The following NXPH1 variants were observed in gnomAD, a reference collection of about 807,000 sequenced individuals.
NXPH1 encodes neurexophilin-1.
NXPH1 carries 5 observed loss-of-function variants against 23.7 expected under a neutral mutation model. That is an observed-to-expected ratio of 0.21 (90% CI 0.11 to 0.44). The LOEUF is 0.44. Among genes scored for constraint, NXPH1 ranks in the 20% least tolerant of loss-of-function variants. NXPH1 has a pLI of 0.99. For synonymous variants in NXPH1, 144 were observed against 122.2 expected (o/e 1.18, Z -1.18); for missense variants, 324 against 321.6 (o/e 1.01, Z -0.06).
chr7:8,648,095 G>T (rs1281901838), intron 2 of NXPH1, among the ~76,000 whole-genome samples: 1 of 152,092 alleles, frequency 6.6e-6, no homozygotes, highest in Non-Finnish European at 1.5e-5. Context: ...GGCATGCAAT[G>T]TAAAATAAGC....
intron 2 of NXPH1, among the ~76,000 whole-genome samples, chr7:8,654,960 C>A (rs972483485): frequency 3.3e-5 from 5 of 152,096 alleles, no homozygotes; most frequent in African/African-American, 1.2e-4. Flanking sequence ...TATGGAAAAT[C>A]AAGGGAGAGG....
At chr7:8,457,740 C>T (rs184088409) in intron 2 of NXPH1, among the ~76,000 whole-genome samples, 72 of 152,158 alleles carry the variant, frequency 4.7e-4, no homozygotes, top group African/African-American at 1.6e-3. Flanking sequence ...TTATCCCTTG[C>T]TTCTCAGCCT....
intron 2 of NXPH1, among the ~76,000 whole-genome samples, chr7:8,597,732 A>C: frequency 8.6e-6 from 1 of 116,102 alleles, no homozygotes; most frequent in African/African-American, 3.0e-5. Flanking sequence ...CAGTGTGGGG[A>C]GCAGTAGCTA....
intron 2 of NXPH1, among the ~76,000 whole-genome samples, chr7:8,536,574 T>C (rs914091511): frequency 2.7e-5 from 4 of 150,682 alleles, no homozygotes; most frequent in African/African-American, 9.8e-5. Context: ...AGCTATAAAC[T>C]ACAGAAAGGA....
At chr7:8,731,364 C>G (rs1780150344) in intron 2 of NXPH1, among the ~76,000 whole-genome samples, 1 of 152,242 alleles carries the variant, frequency 6.6e-6, no homozygotes, top group Non-Finnish European at 1.5e-5. Flanking sequence ...CTCAATCCAG[C>G]TTTGTTCCCT....
At chr7:8,532,891 TG>T (rs1364361844) in intron 2 of NXPH1, among the ~76,000 whole-genome samples, 2 of 152,140 alleles carry the variant, frequency 1.3e-5, no homozygotes, top group Non-Finnish European at 2.9e-5. Context: ...TAGGTTAGTG[TG>T]GGGGTAAATG....
chr7:8,614,859 C>A (rs1819701578), intron 2 of NXPH1, among the ~76,000 whole-genome samples: 1 of 151,940 alleles, frequency 6.6e-6, no homozygotes, highest in African/African-American at 2.4e-5. Flanking sequence ...TCTTATTGAA[C>A]ATCCTGAAAT....
chr7:8,710,647 GTTTTTTTTTTTTT>G (rs1424880912), intron 2 of NXPH1, among the ~76,000 whole-genome samples: 1 of 51,718 alleles, frequency 1.9e-5, no homozygotes. Context: ...TACGTTTTTT[GTTTTTTTTTTTTT>G]TTTTTTTTTT....
chr7:8,466,194 C>G (rs1002402530), intron 2 of NXPH1, among the ~76,000 whole-genome samples: 1 of 152,132 alleles, frequency 6.6e-6, no homozygotes, highest in African/African-American at 2.4e-5. Flanking sequence ...AGACTGGGAC[C>G]ATGATATTAT....
intron 2 of NXPH1, among the ~76,000 whole-genome samples, chr7:8,463,953 C>G (rs1816735390): frequency 6.6e-6 from 1 of 152,158 alleles, no homozygotes; most frequent in South Asian, 2.1e-4. Flanking sequence ...CTTAGGAGTT[C>G]CTGATTCATA....
In NXPH1 at chr7:8,478,557, A is replaced by G. The variant is rs149507425; in HGVS notation, c.54+42790A>G. Among the ~76,000 whole-genome samples, 49 of 152,208 alleles carry G rather than the reference A, an allele frequency of 3.2e-4. 1 individual carries two copies. The East Asian group carries it at 7.7e-3, about 24-fold the overall frequency. Reference sequence around the variant, plus strand: ...ACATAAGTATAATGGAAATTTCTGAAGAAATAAACCAAGAGAACAGAACAA... The same window carrying G: ...ACATAAGTATAATGGAAATTTCTGAGGAAATAAACCAAGAGAACAGAACAA... On this transcript the variant is annotated intron_variant, in intron 2 of 2. Transcript: ENST00000405863.
At chr7:8,661,827 T>G (rs145463755) in intron 2 of NXPH1, among the ~76,000 whole-genome samples, 213 of 152,174 alleles carry the variant, frequency 1.4e-3, no homozygotes, top group African/African-American at 5.0e-3. Flanking sequence ...AAATTTACTG[T>G]TGCATATGTT....
At chr7:8,650,600 T>C (rs7780103) in intron 2 of NXPH1, among the ~76,000 whole-genome samples, 102,299 of 152,076 alleles carry the variant, frequency 0.67, 34,864 homozygotes, top group East Asian at 0.83. Context: ...CCTTTTTGTT[T>C]TTATTTTTCA....
chr7:8,610,347 G>A (rs1028448673), intron 2 of NXPH1, among the ~76,000 whole-genome samples: 1 of 152,116 alleles, frequency 6.6e-6, no homozygotes, highest in Non-Finnish European at 1.5e-5. Context: ...TTATACACCT[G>A]TCAACATTCT....
chr7:8,739,567 C>T lies in NXPH1; in HGVS notation c.55-11441C>T, dbSNP rs570697115. ...CCTTTTGCATTGATCTTGCTGGGAGCTGCAGACTGGAGCTGTTCCTATTTG... is the reference window on the plus strand; with the variant it reads ...CCTTTTGCATTGATCTTGCTGGGAGTTGCAGACTGGAGCTGTTCCTATTTG... On this transcript the variant is annotated intron_variant, in intron 2 of 2. Transcript: ENST00000405863. 5.3e-5 allele frequency among the ~76,000 whole-genome samples: 8 copies of T among 152,280 alleles called. No homozygotes were observed. In the South Asian group the frequency reaches 1.0e-3, roughly 20 times the overall value.
intron 2 of NXPH1, among the ~76,000 whole-genome samples, chr7:8,469,280 A>C (rs1011622224): frequency 9.2e-5 from 14 of 152,094 alleles, no homozygotes; most frequent in African/African-American, 3.4e-4. Context: ...CTAGACTTTG[A>C]AAATGACTTC....
intron 2 of NXPH1, among the ~76,000 whole-genome samples, chr7:8,680,181 C>A (rs1201965602): frequency 6.6e-6 from 1 of 152,212 alleles, no homozygotes; most frequent in Non-Finnish European, 1.5e-5. Context: ...CAATTCATTT[C>A]AAACATTTAT....
chr7:8,521,423 C>T (rs892283506), intron 2 of NXPH1, among the ~76,000 whole-genome samples: 5 of 152,152 alleles, frequency 3.3e-5, no homozygotes, highest in African/African-American at 1.2e-4. Context: ...TAGCCAATTG[C>T]ATAGTAGTGG....
intron 2 of NXPH1, among the ~76,000 whole-genome samples, chr7:8,498,810 G>A (rs1412840704): frequency 6.6e-6 from 1 of 152,026 alleles, no homozygotes; most frequent in Non-Finnish European, 1.5e-5. Context: ...TAGTAAGAGG[G>A]ATAAGATTTA....
Sources: allele counts gnomAD v4.1 joint callset (sites outside exome capture counted in the v4.1 genomes callset), GRCh38; gene constraint gnomAD v4.1.1; transcripts MANE v1.5; gene names NCBI Gene and HGNC (gene_info 2026-07-23, HGNC 2026-07-21).